The following VPS13D variants were observed in gnomAD, a reference collection of about 807,000 sequenced individuals.
The protein encoded by VPS13D is intermembrane lipid transfer protein VPS13D.
VPS13D carries 187 observed loss-of-function variants against 461.9 expected under a neutral mutation model. The ratio of observed to expected loss-of-function variants is 0.40; its 90% confidence interval spans 0.36 to 0.46. The LOEUF is 0.46. VPS13D is among the 20% of genes least tolerant of loss of function. The probability of loss-of-function intolerance (pLI) is 0.60; values close to 1 mark genes in which losing one functional copy is unlikely to be tolerated. For missense variants in VPS13D, 4,711 were observed against 5,364.9 expected, an observed-to-expected ratio of 0.88 and a Z score of 3.81; for synonymous variants, 1,951 against 1,986.3, an observed-to-expected ratio of 0.98 and a Z score of 0.47.
intron 20 of VPS13D, among the ~76,000 whole-genome samples, chr1:12,281,499 T>C (rs1641781259): frequency 6.6e-6 from 1 of 152,220 alleles, no homozygotes; most frequent in African/African-American, 2.4e-5. Context: ...TCCTGTAAAA[T>C]CTATAGAACA....
chr1:12,371,410 G>C (rs1308139708), intron 54 of VPS13D, among the ~76,000 whole-genome samples: 2 of 141,810 alleles, frequency 1.4e-5, no homozygotes, highest in African/African-American at 5.3e-5. Context: ...TTTTTTTTGA[G>C]ACCGAGTTTT....
intron 5 of VPS13D, among the ~76,000 whole-genome samples, chr1:12,245,466 C>T (rs1640518844): frequency 6.6e-6 from 1 of 152,290 alleles, no homozygotes; most frequent in Non-Finnish European, 1.5e-5. Context: ...AAAGTTCAGT[C>T]TTTTAAAGTG....
At position 12,311,545 on chromosome 1, in the gene VPS13D, C is replaced by T. The variant is rs752157609; in HGVS notation, c.6742C>T (p.Arg2248Cys). The part of the protein sequence containing the change: ...SLDLYKYKLI[R>C]GLLENNLGEP... ...GGATCTGTATAAATACAAGCTGATC[C>T]GCGGCTTATTAGAGAACAACCTGGG... is the stretch of plus-strand genomic sequence containing the variant. The change falls in exon 28 of 70, where the codon CGC (arginine) becomes TGC (cysteine). Residue 2248 changes from arginine to cysteine, a missense_variant. This residue lies in a region of VPS13D where 4,411 missense variants were observed against 4,937.8 expected (regional missense o/e 0.89). Transcript: ENST00000620676. 61 of 1,614,098 alleles carry T rather than the reference C, an allele frequency of 3.8e-5. No homozygotes were observed. The highest frequency in any genetic ancestry group is 8.9e-5 in the East Asian group (4 of 44,876).
In VPS13D at chr1:12,276,491, T is replaced by C. The variant is rs1348096632; in HGVS notation, c.2903T>C (p.Val968Ala). Residue 968 changes from valine to alanine, a missense_variant, in exon 19 of 70, where the codon GTT becomes GCT. Physicochemically the swap from Val to Ala is moderately conservative, Grantham distance 64. This residue lies in a region of VPS13D where 4,411 missense variants were observed against 4,937.8 expected (regional missense o/e 0.89). Coordinates refer to ENST00000620676, the MANE Select transcript of VPS13D (RefSeq NM_015378.4). This position sits in a 1 kb window ranked among gnomAD's most constrained non-coding sequence, Gnocchi z 4.5. ...EFKVNCMQLGVESNGRYISVL... is the reference protein window; with the variant it reads ...EFKVNCMQLGAESNGRYISVL... ...AAAGTGAACTGTATGCAGCTTGGTG[T>C]TGAGAGCAATGGCCGGTACATTTCT... 8.7e-6 allele frequency: 14 copies of C among 1,614,058 alleles called. No homozygotes were observed. Among genetic ancestry groups the C allele is most frequent in the Non-Finnish European group, 1.1e-5 (13 of 1,180,054 alleles).
At chr1:12,313,074 A>G (rs1173151957) in intron 29 of VPS13D, among the ~76,000 whole-genome samples, 1 of 152,082 alleles carries the variant, frequency 6.6e-6, no homozygotes, top group Non-Finnish European at 1.5e-5. Flanking sequence ...TCTTTTCCAG[A>G]TAGAGTTTCT....
At position 12,273,151 on chromosome 1, in the gene VPS13D, G is replaced by T; in HGVS notation, c.2236+16G>T. The T allele has an allele frequency of 6.2e-7, 1 of 1,610,642 alleles. No homozygotes were observed. Among genetic ancestry groups the T allele is most frequent in the South Asian group, 1.1e-5 (1 of 90,424 alleles). On this transcript the variant is annotated intron_variant, in intron 18 of 69. Coordinates refer to ENST00000620676, the MANE Select transcript of VPS13D (RefSeq NM_015378.4). The stretch of plus-strand genomic sequence containing the variant: ...AACACCCAAGGTATAGTGTGAGTGG[G>T]AAATAATGAAAACCTGCCTTGGTAG...
intron 24 of VPS13D, 58 bp downstream of exon 24, chr1:12,293,762 T>C: frequency 6.5e-7 from 1 of 1,547,124 alleles, no homozygotes; most frequent in East Asian, 2.3e-5. Context: ...GTAGAACTTT[T>C]AGGCCTCTAG....
intron 27 of VPS13D, 127 bp from the exon 28 acceptor site, chr1:12,311,327 T>C: frequency 2.5e-6 from 2 of 800,920 alleles, no homozygotes; most frequent in East Asian, 2.9e-5. Context: ...ATTTTTGTCA[T>C]TGGAAGTAGG....
At chr1:12,337,921 T>C (rs1643484703) in intron 39 of VPS13D, 1 of 221,196 alleles carries the variant, frequency 4.5e-6, no homozygotes, top group South Asian at 9.1e-5. Flanking sequence ...CACCTTTAAA[T>C]TAAAAATCTT....
At chr1:12,310,525 C>T (rs972040391) in intron 27 of VPS13D, among the ~76,000 whole-genome samples, 2 of 152,122 alleles carry the variant, frequency 1.3e-5, no homozygotes, top group Non-Finnish European at 2.9e-5. Context: ...TCTGTCCATC[C>T]CAGCTGAGAT....
chr1:12,493,251 G>A (rs1444696880), intron 67 of VPS13D, among the ~76,000 whole-genome samples: 1 of 151,524 alleles, frequency 6.6e-6, no homozygotes, highest in Admixed American at 6.6e-5. Context: ...CACTTTGGGA[G>A]GCCGAGGCGG....
At chr1:12,395,266 C>G (rs1644480215) in intron 60 of VPS13D, among the ~76,000 whole-genome samples, 1 of 152,158 alleles carries the variant, frequency 6.6e-6, no homozygotes, top group Non-Finnish European at 1.5e-5. Flanking sequence ...GATGGGGAAG[C>G]TCATCCTTCT....
At chr1:12,499,960 G>A (rs1050689107) in intron 68 of VPS13D, 4 of 985,230 alleles carry the variant, frequency 4.1e-6, no homozygotes, top group Admixed American at 6.1e-5. Context: ...AATTATTTGC[G>A]TATTTCCCTT....
In VPS13D at chr1:12,341,638, A is replaced by G. The variant is rs531126748; in HGVS notation, c.8627-142A>G. The G allele has an allele frequency of 1.6e-4, 110 of 671,478 alleles. No individual in the cohort carries two copies. The African/African-American group carries it at 1.8e-3, about 11-fold the overall frequency. The allele number at this position is 671,478 out of a possible 1,614,324, so 41.6% of individuals were successfully genotyped here. On this transcript the variant is annotated intron_variant, in intron 40 of 69. Coordinates refer to ENST00000620676, the MANE Select transcript of VPS13D (RefSeq NM_015378.4). ...CAGCCAGCAAATACGTGGAGCTTCC[A>G]TTTGTCCTGTTCCTTCTTTCTTGCT...
chr1:12,383,441 GTTAA>G (rs957493949), intron 58 of VPS13D, among the ~76,000 whole-genome samples: 1 of 151,972 alleles, frequency 6.6e-6, no homozygotes, highest in Non-Finnish European at 1.5e-5. Context: ...TAATAGTGTT[GTTAA>G]TTATTATTAA....
intron 68 of VPS13D, chr1:12,499,862 A>C: frequency 1.0e-6 from 1 of 985,454 alleles, no homozygotes; most frequent in Non-Finnish European, 1.2e-6. Flanking sequence ...CTCTGCAAGA[A>C]AGGAGTTTTC....
intron 19 of VPS13D, among the ~76,000 whole-genome samples, chr1:12,278,925 C>G (rs765562161): frequency 6.6e-6 from 1 of 152,208 alleles, no homozygotes; most frequent in Non-Finnish European, 1.5e-5. Context: ...TCAGGTAAGT[C>G]CTAGAGCACG....
At chr1:12,471,029 T>C (rs11809255) in intron 67 of VPS13D, among the ~76,000 whole-genome samples, 10,605 of 152,218 alleles carry the variant, frequency 0.07, 506 homozygotes, top group East Asian at 0.15. Context: ...GGGCCAGGCA[T>C]GGTGGCTCAA....
chr1:12,244,467 C>T, intron 4 of VPS13D, 31 bp downstream of exon 4: 5 of 1,613,944 alleles, frequency 3.1e-6, no homozygotes, highest in Non-Finnish European at 3.4e-6. Context: ...GCCATAAGAG[C>T]AGTTGTGGTG....
Sources: gnomAD v4.1 joint callset for allele counts (sites outside exome capture counted in the v4.1 genomes callset) on GRCh38, gnomAD v4.1.1 for gene constraint, gnomAD v4.1.1 regional missense constraint, Gnocchi (gnomAD v3.1) non-coding constraint, MANE v1.5 for transcripts, NCBI Gene and HGNC (gene_info 2026-07-23, HGNC 2026-07-21) for gene names.